The following CACNB4 variants were observed in gnomAD, a reference collection of about 807,000 sequenced individuals.
The protein encoded by CACNB4 is voltage-dependent L-type calcium channel subunit beta-4.
Under a neutral mutation model 71.2 loss-of-function variants are expected in CACNB4, and 32 were observed. The observed-to-expected ratio is 0.45, with a 90% CI of 0.34 to 0.60. The LOEUF is 0.60. CACNB4 is among the 20% of genes least tolerant of loss of function. The probability of loss-of-function intolerance (pLI) is 0.01; values close to 1 mark genes in which losing one functional copy is unlikely to be tolerated. For missense variants in CACNB4, 464 were observed against 647.9 expected, an observed-to-expected ratio of 0.72 and a Z score of 3.08; for synonymous variants, 231 against 236.9, an observed-to-expected ratio of 0.97 and a Z score of 0.23.
intron 2 of CACNB4, among the ~76,000 whole-genome samples, chr2:151,884,451 G>A (rs1345730513): frequency 1.8e-4 from 26 of 142,274 alleles, no homozygotes; most frequent in African/African-American, 4.7e-4. Context: ...GTGAAATCCC[G>A]TCTCTACTAA....
chr2:151,920,210 A>G (rs1398944764), intron 2 of CACNB4, among the ~76,000 whole-genome samples: 1 of 152,156 alleles, frequency 6.6e-6, no homozygotes, highest in Non-Finnish European at 1.5e-5. Context: ...ATAGGAATAG[A>G]ACAATTTCTA....
At chr2:151,853,404 C>A in intron 12 of CACNB4, 44 bp downstream of exon 12, 1 of 1,182,490 alleles carries the variant, frequency 8.5e-7, no homozygotes, top group African/African-American at 1.6e-5. Flanking sequence ...CCACCCTCTT[C>A]TAACTAGTCA....
chr2:151,942,653 C>G (rs1398144157), intron 2 of CACNB4, among the ~76,000 whole-genome samples: 1 of 151,252 alleles, frequency 6.6e-6, no homozygotes, highest in African/African-American at 2.5e-5. Flanking sequence ...CTTTTCCTAG[C>G]AAGGAATATT....
Position 152,081,051 on chromosome 2 carries a change from C to T in CACNB4, c.147+17279G>A, listed in dbSNP as rs548004679. Among the ~76,000 whole-genome samples, 4 of 152,260 alleles carry T rather than the reference C, an allele frequency of 2.6e-5. No individual in the cohort carries two copies. The South Asian group carries it at 8.3e-4, about 32-fold the overall frequency. On this transcript the variant is annotated intron_variant, in intron 2 of 13. Transcript: ENST00000539935. ...ATGTGAGCCAAAATAAACCTATTTT[C>T]TTTATAAGTTACCCAGTCTCAGGTA...
At chr2:151,961,689 G>A (rs1346807992) in intron 2 of CACNB4, among the ~76,000 whole-genome samples, 1 of 152,018 alleles carries the variant, frequency 6.6e-6, no homozygotes, top group Non-Finnish European at 1.5e-5. Flanking sequence ...CCAGGAGTAC[G>A]AGATCAGCCT....
At chr2:151,957,622 A>C (rs1367117705) in intron 2 of CACNB4, among the ~76,000 whole-genome samples, 1 of 152,204 alleles carries the variant, frequency 6.6e-6, no homozygotes, top group Non-Finnish European at 1.5e-5. Flanking sequence ...CAATAATTTG[A>C]CCCAGTATTT....
intron 2 of CACNB4, among the ~76,000 whole-genome samples, chr2:152,025,641 A>T (rs921477668): frequency 6.6e-6 from 1 of 152,222 alleles, no homozygotes; most frequent in African/African-American, 2.4e-5. Context: ...TGTTATTGTG[A>T]CACAACAGCC....
At chr2:151,850,903 G>A (rs745474360) in intron 12 of CACNB4, 8 of 152,138 alleles carry the variant, frequency 5.3e-5, no homozygotes, top group Non-Finnish European at 1.0e-4. Context: ...TATATTGGGT[G>A]CTCTTTAAGG....
chr2:152,086,937 C>A (rs1338814724), intron 2 of CACNB4, among the ~76,000 whole-genome samples: 1 of 151,994 alleles, frequency 6.6e-6, no homozygotes, highest in Non-Finnish European at 1.5e-5. Flanking sequence ...TCGAGACCAG[C>A]CTGACCAACA....
chr2:151,862,178 G>A (rs1401057704), intron 9 of CACNB4, among the ~76,000 whole-genome samples: 4 of 152,182 alleles, frequency 2.6e-5, no homozygotes, highest in East Asian at 1.9e-4. Flanking sequence ...GAAGCAGGAA[G>A]GAGGGTAGAA....
intron 2 of CACNB4, among the ~76,000 whole-genome samples, chr2:152,020,258 T>C (rs1275956972): frequency 6.6e-6 from 1 of 152,142 alleles, no homozygotes; most frequent in African/African-American, 2.4e-5. Flanking sequence ...CTATGTCCAT[T>C]TGGGTTTTGA....
chr2:151,878,911 C>CA (rs1204384230), intron 4 of CACNB4, among the ~76,000 whole-genome samples: 1 of 151,056 alleles, frequency 6.6e-6, no homozygotes, highest in Non-Finnish European at 1.5e-5. Flanking sequence ...AACCTGTCTC[C>CA]AAAAAAATAA....
chr2:151,857,832 T>A (rs1037067117), intron 10 of CACNB4: 1 of 152,102 alleles, frequency 6.6e-6, no homozygotes, highest in Admixed American at 6.5e-5. Flanking sequence ...AGCAATGAGG[T>A]TAAGTGTGGT....
At chr2:151,854,941 G>A (rs2099839901) in intron 11 of CACNB4, 4 of 256,792 alleles carry the variant, frequency 1.6e-5, no homozygotes, top group Non-Finnish European at 2.2e-5. Flanking sequence ...TCTATGATAA[G>A]CCAGAGTCTA....
intron 2 of CACNB4, among the ~76,000 whole-genome samples, chr2:152,030,111 T>C (rs933447794): frequency 6.6e-6 from 1 of 152,186 alleles, no homozygotes; most frequent in Non-Finnish European, 1.5e-5. Flanking sequence ...TACCTTCTTT[T>C]TTTTTTCTGA....
At chr2:151,980,776 A>G (rs1307715043) in intron 2 of CACNB4, among the ~76,000 whole-genome samples, 1 of 152,258 alleles carries the variant, frequency 6.6e-6, no homozygotes, top group East Asian at 1.9e-4. Flanking sequence ...ATTGGGACAC[A>G]ATGGTCCTGT....
At chr2:152,073,763 A>C (rs1028180251) in intron 2 of CACNB4, among the ~76,000 whole-genome samples, 1 of 152,234 alleles carries the variant, frequency 6.6e-6, no homozygotes, top group Non-Finnish European at 1.5e-5. Context: ...GTGTTCTCCA[A>C]GAGCAGGGCT....
chr2:151,933,944 T>A (rs375674929), intron 2 of CACNB4, among the ~76,000 whole-genome samples: 1 of 152,218 alleles, frequency 6.6e-6, no homozygotes, highest in Non-Finnish European at 1.5e-5. Flanking sequence ...CTCATGGCTA[T>A]AGAATCAGAA....
At chr2:151,880,695 G>T in intron 4 of CACNB4, 105 bp downstream of exon 4, 1 of 1,183,366 alleles carries the variant, frequency 8.5e-7, no homozygotes, top group Non-Finnish European at 1.2e-6. Flanking sequence ...ATCATGTACT[G>T]CACTGGCAGC....
Sources: gnomAD v4.1 joint callset for allele counts (sites outside exome capture counted in the v4.1 genomes callset) on GRCh38, gnomAD v4.1.1 for gene constraint, MANE v1.5 for transcripts, NCBI Gene and HGNC (gene_info 2026-07-23, HGNC 2026-07-21) for gene names.